KANK1: variants seen among roughly 807,000 people sequenced by gnomAD.
KANK1 encodes KN motif and ankyrin repeat domains 1.
In KANK1, 109 loss-of-function variants were observed where a neutral mutation model predicts 106.2. The observed-to-expected ratio is 1.03, with a 90% CI of 0.88 to 1.20. The LOEUF (loss-of-function observed/expected upper bound fraction) is 1.20, where lower values mean the gene tolerates loss of function less well. Among genes scored for constraint, KANK1 ranks in the 50% most tolerant of loss-of-function variants. KANK1 has a pLI of 0.00. For synonymous variants in KANK1, 873 were observed against 652.2 expected (o/e 1.34, Z -5.16); for missense variants, 2,399 against 1,710.7 (o/e 1.40, Z -7.10).
chr9:536,202 A>G (rs906614944), intron 1 of KANK1, among the ~76,000 whole-genome samples: 6 of 152,102 alleles, frequency 3.9e-5, no homozygotes, highest in Non-Finnish European at 8.8e-5. Flanking sequence ...ATAGCCAGAC[A>G]TGGTGGCGGG....
chr9:500,003 T>A (rs2058523103), upstream of KANK1, among the ~76,000 whole-genome samples: 1 of 152,238 alleles, frequency 6.6e-6, no homozygotes. Flanking sequence ...CTTCCCCTCC[T>A]TGATGATGAT....
At chr9:718,033 T>C (rs1188688936) in intron 3 of KANK1, among the ~76,000 whole-genome samples, 1 of 152,208 alleles carries the variant, frequency 6.6e-6, no homozygotes, top group Non-Finnish European at 1.5e-5. Flanking sequence ...AAGTAAGTTG[T>C]AGACAAGAGA....
Position 484,644 on chromosome 9 carries a change from T to C in KANK1, c.-362+11371T>C, listed in dbSNP as rs921280836. ...ATAAGGAGAGGCAAGATAAAAGATA[T>C]AAAGTGACCAAAAAGAAAAAAGGTA... On this transcript the variant is annotated intron_variant, in intron 3 of 15. Transcript: ENST00000382303. 3.3e-5 allele frequency among the ~76,000 whole-genome samples: 5 copies of C among 152,182 alleles called. No individual in the cohort carries two copies. The East Asian group carries it at 7.7e-4, about 23-fold the overall frequency.
chr9:712,611 C>G lies in KANK1; in HGVS notation c.1845C>G (p.Leu615=), dbSNP rs1475977405. 3.1e-6 allele frequency: 5 copies of G among 1,614,058 alleles called. No individual in the cohort carries two copies. The African/African-American group carries it at 5.3e-5, about 17-fold the overall frequency. ...NTEESVNDLT[L]LKTNLNLKEV... is the part of the protein sequence containing the mutation. ...AGGAGTCTGTGAACGACCTCACACTCCTCAAGACAAACTTGAATCTCAAAG... is the reference window on the plus strand; with the variant it reads ...AGGAGTCTGTGAACGACCTCACACTGCTCAAGACAAACTTGAATCTCAAAG... The change falls in exon 3 of 12, where the codon CTC becomes CTG. Residue 615 remains leucine, a synonymous_variant. Coordinates refer to ENST00000382297, the MANE Select transcript of KANK1 (RefSeq NM_015158.5).
At chr9:546,433 C>G (rs2060931746) in intron 1 of KANK1, among the ~76,000 whole-genome samples, 1 of 151,986 alleles carries the variant, frequency 6.6e-6, no homozygotes, top group African/African-American at 2.4e-5. Flanking sequence ...CTGAGAAACG[C>G]TGGTGTCTGT....
intron 1 of KANK1, among the ~76,000 whole-genome samples, chr9:671,623 A>AAAAAAAAAAAAAAAAAAAAAG (rs79437342): frequency 6.2e-4 from 64 of 103,618 alleles, no homozygotes; most frequent in African/African-American, 2.4e-3. Context: ...CTCAAAAAAA[A>AAAAAAAAAAAAAAAAAAAAAG]AAAAGAGTGT....
At chr9:592,054 G>A (rs1396863829) in intron 1 of KANK1, among the ~76,000 whole-genome samples, 2 of 151,876 alleles carry the variant, frequency 1.3e-5, no homozygotes, top group Non-Finnish European at 1.5e-5. Flanking sequence ...TGACCACAGC[G>A]AGGTCTCTAG....
intron 1 of KANK1, among the ~76,000 whole-genome samples, chr9:580,063 G>A (rs906716748): frequency 3.3e-5 from 5 of 152,160 alleles, no homozygotes; most frequent in Admixed American, 6.5e-5. Flanking sequence ...TGGTGTGTCC[G>A]AAGTTTGTTC....
intron 1 of KANK1, among the ~76,000 whole-genome samples, chr9:648,393 A>G (rs1012471694): frequency 6.6e-5 from 10 of 152,226 alleles, no homozygotes; most frequent in South Asian, 4.2e-4. Context: ...TTTAAAAACT[A>G]TGCCGTATAT....
At chr9:599,020 A>T (rs60193062) in intron 1 of KANK1, among the ~76,000 whole-genome samples, 10,404 of 130,116 alleles carry the variant, frequency 0.08, 1,095 homozygotes, top group East Asian at 0.35. Context: ...TATTATTATT[A>T]TTTTTTTTTT....
At chr9:644,222 C>G (rs923993248) in intron 1 of KANK1, among the ~76,000 whole-genome samples, 4 of 150,890 alleles carry the variant, frequency 2.7e-5, no homozygotes, top group Non-Finnish European at 5.9e-5. Context: ...GTCTAGAGAC[C>G]GAACTATAGT....
rs767618077 is a variant in KANK1, at chr9:691,611, A to ATTTTTTTTTTTTTTTTTTT, written c.37+14603_37+14621dup. On this transcript the variant is annotated intron_variant, in intron 2 of 11. Coordinates refer to ENST00000382297, the MANE Select transcript of KANK1 (RefSeq NM_015158.5). ...AATAATGTAACTAAATAATACCAGA[A>ATTTTTTTTTTTTTTTTTTT]TTTTTTTTTTTTTTTTTTTGAGACC... 7.0e-5 allele frequency among the ~76,000 whole-genome samples: 5 copies of ATTTTTTTTTTTTTTTTTTT among 71,080 alleles called. 1 individual carries two copies. Among genetic ancestry groups the ATTTTTTTTTTTTTTTTTTT allele is most frequent in the African/African-American group, 1.4e-4 (3 of 21,614 alleles). 46.6% of individuals were successfully genotyped at this position (71,080 alleles called of 152,430 possible).
At chr9:725,645 C>CA (rs1165089986) in intron 3 of KANK1, among the ~76,000 whole-genome samples, 1 of 152,108 alleles carries the variant, frequency 6.6e-6, no homozygotes, top group Non-Finnish European at 1.5e-5. Context: ...TGGGGAATGT[C>CA]AGAAATGCCA....
At chr9:739,399 G>A (rs1296893943) in intron 8 of KANK1, among the ~76,000 whole-genome samples, 8 of 152,286 alleles carry the variant, frequency 5.3e-5, no homozygotes, top group African/African-American at 1.9e-4. Flanking sequence ...AATCTCTTCT[G>A]CTCTGTTTTG....
intron 1 of KANK1, among the ~76,000 whole-genome samples, chr9:519,818 C>T (rs538444891): frequency 1.3e-5 from 2 of 151,774 alleles, no homozygotes; most frequent in African/African-American, 4.9e-5. Flanking sequence ...GTCAGACAAA[C>T]AAGTCATTTA....
At chr9:593,048 A>G (rs1416147808) in intron 1 of KANK1, among the ~76,000 whole-genome samples, 2 of 151,828 alleles carry the variant, frequency 1.3e-5, no homozygotes, top group African/African-American at 4.9e-5. Flanking sequence ...CTATTTGTTC[A>G]ATATCTAATG....
At chr9:516,910 T>A (rs188934335) in intron 1 of KANK1, among the ~76,000 whole-genome samples, 3 of 151,350 alleles carry the variant, frequency 2.0e-5, no homozygotes, top group Admixed American at 2.0e-4. Context: ...AACACTTGGG[T>A]TACGAAGAAA....
chr9:727,943 C>G (rs775092445), intron 3 of KANK1, among the ~76,000 whole-genome samples: 1 of 152,114 alleles, frequency 6.6e-6, no homozygotes, highest in Non-Finnish European at 1.5e-5. Flanking sequence ...AAAACTAGTT[C>G]AGGCCATGAT....
Position 730,240 on chromosome 9 carries a change from G to T in KANK1, c.2888G>T (p.Gly963Val). 2 of 1,614,186 alleles carry T rather than the reference G, an allele frequency of 1.2e-6. No homozygotes were observed. The highest frequency in any genetic ancestry group is 1.7e-6 in the Non-Finnish European group (2 of 1,180,026). Residue 963 changes from glycine to valine, a missense_variant, in exon 4 of 12, where the codon GGC becomes GTC. By Grantham distance (109) the Gly-to-Val change is moderately radical. Coordinates refer to ENST00000382297, the MANE Select transcript of KANK1 (RefSeq NM_015158.5). ...VNLTDDQIAA[G>V]LYACTNNEST... ...CTGACAGACGACCAGATCGCCGCTGGCCTCTATGGTAACTTTTCTCACTCA... is the reference window on the plus strand; with the variant it reads ...CTGACAGACGACCAGATCGCCGCTGTCCTCTATGGTAACTTTTCTCACTCA...
Sources: gnomAD v4.1 joint callset for allele counts (sites outside exome capture counted in the v4.1 genomes callset) on GRCh38, gnomAD v4.1.1 for gene constraint, MANE v1.5 for transcripts, NCBI Gene and HGNC (gene_info 2026-07-23, HGNC 2026-07-21) for gene names.